The following RCAN1 variants were observed in gnomAD, a reference collection of about 807,000 sequenced individuals.
RCAN1 encodes calcipressin-1.
A neutral mutation model predicts 22.9 loss-of-function variants in RCAN1; 11 were observed. The observed-to-expected ratio is 0.48, with a 90% CI of 0.30 to 0.79. RCAN1 has a LOEUF of 0.79. Ranked by LOEUF, RCAN1 falls within the 30% of genes least tolerant of loss-of-function variation. The probability of loss-of-function intolerance (pLI) is 0.06; values close to 1 mark genes in which losing one functional copy is unlikely to be tolerated. For synonymous variants in RCAN1, 136 were observed against 142.3 expected, an observed-to-expected ratio of 0.96 and a Z score of 0.32; for missense variants, 291 against 337.8, an observed-to-expected ratio of 0.86 and a Z score of 1.09.
At chr21:34,544,270 G>A (rs1393126607) in intron 1 of RCAN1, among the ~76,000 whole-genome samples, 1 of 152,220 alleles carries the variant, frequency 6.6e-6, no homozygotes, top group African/African-American at 2.4e-5. Context: ...ACACTTAAAA[G>A]GGACCGGGTT....
chr21:34,614,640 G>C lies in RCAN1; in HGVS notation c.252+120C>G. 8.9e-7 allele frequency: 1 copy of C among 1,122,222 alleles called. No homozygotes were observed. The highest frequency in any genetic ancestry group is 1.1e-6 in the Non-Finnish European group (1 of 909,984). The allele number at this position is 1,122,222 out of a possible 1,614,324, so 69.5% of individuals were successfully genotyped here. On this transcript the variant is annotated intron_variant, in intron 1 of 3. Coordinates refer to ENST00000313806, the MANE Select transcript of RCAN1 (RefSeq NM_004414.7). This position sits in a 1 kb window ranked among gnomAD's most constrained non-coding sequence, Gnocchi z 6.0. ...ACGGGTCCGCGGCCGAGCAGCCCGG[G>C]GGACGTCGCTGCCTCCCCGCCCCGC...
At chr21:34,595,508 C>A (rs986461193) in intron 1 of RCAN1, among the ~76,000 whole-genome samples, 1 of 152,208 alleles carries the variant, frequency 6.6e-6, no homozygotes, top group African/African-American at 2.4e-5. Flanking sequence ...GTGTACAGAC[C>A]CATCTATTCA....
chr21:34,594,401 C>T (rs553444523), intron 1 of RCAN1, among the ~76,000 whole-genome samples: 10 of 152,072 alleles, frequency 6.6e-5, no homozygotes, highest in Non-Finnish European at 1.5e-4. Flanking sequence ...AAAATACAAG[C>T]ATTAGCTGGG....
chr21:34,588,651 TACC>T (rs541248844), intron 1 of RCAN1, among the ~76,000 whole-genome samples: 120 of 152,234 alleles, frequency 7.9e-4, no homozygotes, highest in African/African-American at 2.7e-3. Flanking sequence ...AAAATAGAAT[TACC>T]ACATGATCCA....
At chr21:34,526,765 T>C in intron 1 of RCAN1, 4 of 1,608,240 alleles carry the variant, frequency 2.5e-6, no homozygotes, top group Non-Finnish European at 3.4e-6. Context: ...TTTCTTACAG[T>C]GAAAGCGCTA....
At chr21:34,548,754 A>T (rs1385042077) in intron 1 of RCAN1, among the ~76,000 whole-genome samples, 2 of 152,244 alleles carry the variant, frequency 1.3e-5, no homozygotes, top group Non-Finnish European at 2.9e-5. Flanking sequence ...ATCTGTCAGT[A>T]AATCTACTAA....
chr21:34,530,373 CAT>C (rs773601657), intron 1 of RCAN1, among the ~76,000 whole-genome samples: 19 of 152,218 alleles, frequency 1.2e-4, no homozygotes, highest in Non-Finnish European at 2.6e-4. Context: ...CCCATTACAG[CAT>C]TCTGAAAGCA....
chr21:34,603,242 C>A (rs1988414716), intron 1 of RCAN1, among the ~76,000 whole-genome samples: 1 of 152,200 alleles, frequency 6.6e-6, no homozygotes, highest in Non-Finnish European at 1.5e-5. Flanking sequence ...GACCGCTGGT[C>A]TTTGAACAGC....
At chr21:34,613,785 A>G in intron 1 of RCAN1, 8 of 1,503,730 alleles carry the variant, frequency 5.3e-6, no homozygotes, top group Non-Finnish European at 7.2e-6. Context: ...AATGACACTT[A>G]CATACACCAT....
chr21:34,570,002 C>G (rs1987177380), intron 1 of RCAN1, among the ~76,000 whole-genome samples: 1 of 152,178 alleles, frequency 6.6e-6, no homozygotes, highest in African/African-American at 2.4e-5. Flanking sequence ...GTGGGCCTGC[C>G]CATGGCTTCT....
At chr21:34,530,508 C>T (rs1985317975) in intron 1 of RCAN1, among the ~76,000 whole-genome samples, 1 of 151,828 alleles carries the variant, frequency 6.6e-6, no homozygotes, top group Non-Finnish European at 1.5e-5. Context: ...TGAGTTTTGA[C>T]TTCCAACACT....
At chr21:34,530,611 A>G (rs1389783664) in intron 1 of RCAN1, among the ~76,000 whole-genome samples, 1 of 125,028 alleles carries the variant, frequency 8.0e-6, no homozygotes, top group African/African-American at 3.2e-5. Flanking sequence ...TAAGATAGTG[A>G]AATAGTTTTT....
chr21:34,546,814 C>T (rs772356591), intron 1 of RCAN1, among the ~76,000 whole-genome samples: 4 of 152,106 alleles, frequency 2.6e-5, no homozygotes, highest in Admixed American at 1.3e-4. Context: ...GGAAAAAGAG[C>T]GTGTTTTTCC....
chr21:34,581,968 C>T (rs190708055), intron 1 of RCAN1, among the ~76,000 whole-genome samples: 250 of 152,264 alleles, frequency 1.6e-3, no homozygotes, highest in African/African-American at 5.9e-3. Context: ...TCAAGCCAGA[C>T]GAGTCATCTA....
At chr21:34,573,652 C>T (rs910979613) in intron 1 of RCAN1, among the ~76,000 whole-genome samples, 3 of 152,196 alleles carry the variant, frequency 2.0e-5, no homozygotes, top group Non-Finnish European at 4.4e-5. Context: ...CCAAGTGACT[C>T]GAGTTCACTG....
chr21:34,521,250 G>A lies in RCAN1; in HGVS notation c.586+249C>T, dbSNP rs545834630. 3.8e-3 allele frequency: 5,514 copies of A among 1,435,856 alleles called. 19 individuals are homozygous for A. Among genetic ancestry groups the A allele is most frequent in the South Asian group, 7.7e-3 (526 of 67,968 alleles). 88.9% of individuals were successfully genotyped at this position (1,435,856 alleles called of 1,614,324 possible). A position where few individuals can be genotyped will look rare whatever the true frequency, so the allele number is the denominator to read the frequency against. On this transcript the variant is annotated intron_variant, in intron 3 of 3. Coordinates refer to ENST00000313806, the MANE Select transcript of RCAN1 (RefSeq NM_004414.7). ...CACAGGAATGGATTCCTGGGACACT[G>A]CGGGGGGTGGAGGGGCGTGATGCAG... is the stretch of plus-strand genomic sequence containing the variant.
At chr21:34,612,122 T>A (rs1331107655) in intron 1 of RCAN1, among the ~76,000 whole-genome samples, 1 of 152,042 alleles carries the variant, frequency 6.6e-6, no homozygotes, top group African/African-American at 2.4e-5. Context: ...CCCACTCCCT[T>A]CCTATCTCCC....
intron 1 of RCAN1, chr21:34,559,428 G>C (rs1006499437): frequency 1.3e-5 from 2 of 152,120 alleles, no homozygotes; most frequent in Admixed American, 1.3e-4. Context: ...AACTTTCGTA[G>C]GCAAGGAAGA....
chr21:34,615,000 G>A lies in RCAN1; in HGVS notation c.12C>T (p.Gly4=). Residue 4 remains glycine, a synonymous_variant, in exon 1 of 4, where the codon GGC becomes GGT. Coordinates refer to ENST00000313806, the MANE Select transcript of RCAN1 (RefSeq NM_004414.7). This position sits in a 1 kb window ranked among gnomAD's most constrained non-coding sequence, Gnocchi z 6.0. ...CGGCCCCGAGCTGGGGACCGGCCAC[G>A]CCGTCCTCCATCCCCGCGCCCGCGC... The part of the protein sequence containing the change: MED[G]VAGPQLGAAA... 9.2e-7 allele frequency: 1 copy of A among 1,083,578 alleles called. No homozygotes were observed. The highest frequency in any genetic ancestry group is 1.1e-6 in the Non-Finnish European group (1 of 897,508). The allele number at this position is 1,083,578 out of a possible 1,614,324, so 67.1% of individuals were successfully genotyped here. A position where few individuals can be genotyped will look rare whatever the true frequency, so the allele number is the denominator to read the frequency against.
Sources: gnomAD v4.1 joint callset for allele counts (sites outside exome capture counted in the v4.1 genomes callset) on GRCh38, gnomAD v4.1.1 for gene constraint, Gnocchi (gnomAD v3.1) non-coding constraint, MANE v1.5 for transcripts, NCBI Gene and HGNC (gene_info 2026-07-23, HGNC 2026-07-21) for gene names.